The following EYS variants were observed in gnomAD, a reference collection of about 807,000 sequenced individuals.
EYS encodes EGF-like photoreceptor maintenance factor.
EYS carries 250 observed loss-of-function variants against 282.1 expected under a neutral mutation model. The observed-to-expected ratio is 0.89, with a 90% CI of 0.80 to 0.98. EYS has a LOEUF of 0.98. EYS is among the 50% of genes least tolerant of loss of function. The pLI is 0.00. For synonymous variants in EYS, 1,355 were observed against 1,282.9 expected, an observed-to-expected ratio of 1.06 and a Z score of -1.20; for missense variants, 4,016 against 3,709.0, an observed-to-expected ratio of 1.08 and a Z score of -2.15.
intron 35 of EYS, among the ~76,000 whole-genome samples, chr6:63,949,240 G>T (rs986550781): frequency 5.3e-5 from 8 of 152,028 alleles, no homozygotes; most frequent in Non-Finnish European, 1.2e-4. Context: ...ACTCCCTTTG[G>T]CATAAATTTT....
intron 22 of EYS, among the ~76,000 whole-genome samples, chr6:64,763,204 C>T (rs941465279): frequency 6.6e-6 from 1 of 152,096 alleles, no homozygotes; most frequent in African/African-American, 2.4e-5. Context: ...ATGGGTGTAT[C>T]AGTCTGTTTT....
chr6:64,784,534 T>G (rs1773958202), intron 22 of EYS, among the ~76,000 whole-genome samples: 1 of 152,196 alleles, frequency 6.6e-6, no homozygotes, highest in Admixed American at 6.5e-5. Flanking sequence ...TTTGACTGCT[T>G]TACTCATTGT....
At chr6:64,934,475 T>A (rs1016897129) in intron 15 of EYS, among the ~76,000 whole-genome samples, 1 of 151,948 alleles carries the variant, frequency 6.6e-6, no homozygotes, top group Non-Finnish European at 1.5e-5. Context: ...ATAGTCAAAC[T>A]GTAAAACACA....
At chr6:64,587,187 C>G (rs1460898303) in intron 26 of EYS, among the ~76,000 whole-genome samples, 2 of 151,936 alleles carry the variant, frequency 1.3e-5, no homozygotes, top group African/African-American at 4.8e-5. Flanking sequence ...CTCAGAGTGT[C>G]ATTTTTTTTT....
chr6:64,115,985 C>G (rs947269746), intron 31 of EYS, among the ~76,000 whole-genome samples: 1 of 151,306 alleles, frequency 6.6e-6, no homozygotes, highest in Admixed American at 6.6e-5. Flanking sequence ...TAGTGAGCTA[C>G]AAGAAAACAT....
intron 5 of EYS, among the ~76,000 whole-genome samples, chr6:65,410,720 C>A (rs1192515233): frequency 1.3e-5 from 2 of 150,760 alleles, no homozygotes; most frequent in African/African-American, 4.9e-5. Flanking sequence ...GAATTGAAGT[C>A]AGTATACCAA....
At chr6:65,543,936 TG>T (rs1768278015) in intron 2 of EYS, among the ~76,000 whole-genome samples, 1 of 151,854 alleles carries the variant, frequency 6.6e-6, no homozygotes, top group African/African-American at 2.4e-5. Flanking sequence ...GCTTTTGAGT[TG>T]AGAGTGAAAA....
rs147596167 is a variant in EYS at position 64,683,382 on chromosome 6, G to A, written c.3444-57137C>T. Among the ~76,000 whole-genome samples, 147 of 152,182 alleles carry A rather than the reference G, an allele frequency of 9.7e-4. 4 individuals carry two copies. In the East Asian group the frequency reaches 0.025, roughly 26 times the overall value. On this transcript the variant is annotated intron_variant, in intron 22 of 42. Coordinates refer to ENST00000503581, the MANE Select transcript of EYS (RefSeq NM_001142800.2). The stretch of plus-strand genomic sequence containing the variant: ...AGGGCCACATGAATTAACAGATGGG[G>A]AACATCCATGGATAAATAGAAACTA...
At chr6:64,304,409 A>C (rs1343272269) in intron 30 of EYS, among the ~76,000 whole-genome samples, 1 of 152,234 alleles carries the variant, frequency 6.6e-6, no homozygotes, top group African/African-American at 2.4e-5. Context: ...AAGGAAATAG[A>C]GGACTTAACA....
intron 7 of EYS, among the ~76,000 whole-genome samples, chr6:65,386,208 T>A (rs1277106702): frequency 6.6e-6 from 1 of 151,054 alleles, no homozygotes; most frequent in Admixed American, 6.6e-5. Flanking sequence ...CCAAAGATTT[T>A]CTACTCTCAG....
intron 19 of EYS, among the ~76,000 whole-genome samples, chr6:64,849,799 C>G (rs1765825910): frequency 6.6e-6 from 1 of 151,792 alleles, no homozygotes; most frequent in Admixed American, 6.6e-5. Flanking sequence ...TGTAGTGCCC[C>G]CCATCTTTAA....
In EYS at chr6:65,082,140, A is replaced by G. The variant is rs536560140; in HGVS notation, c.2024-24413T>C. On this transcript the variant is annotated intron_variant, in intron 12 of 42. Coordinates refer to ENST00000503581, the MANE Select transcript of EYS (RefSeq NM_001142800.2). ...CAGGAAGGTTGACAAGTAAGCCACA[A>G]AATTATCCATATAAATGTCAAGATT... Among the ~76,000 whole-genome samples, 6 of 152,236 alleles carry G rather than the reference A, an allele frequency of 3.9e-5. No homozygotes were observed. The South Asian group carries it at 1.0e-3, about 26-fold the overall frequency.
At chr6:64,392,484 C>T (rs1207651463) in intron 28 of EYS, among the ~76,000 whole-genome samples, 11 of 151,422 alleles carry the variant, frequency 7.3e-5, no homozygotes, top group South Asian at 4.2e-4. Context: ...CACTCAAAAC[C>T]GCTCAACTAC....
intron 1 of EYS, among the ~76,000 whole-genome samples, chr6:65,663,219 G>C (rs1231772894): frequency 8.5e-5 from 13 of 152,074 alleles, no homozygotes; most frequent in Admixed American, 8.5e-4. Context: ...TGCTAGTTTA[G>C]AAGTATGTCT....
intron 12 of EYS, among the ~76,000 whole-genome samples, chr6:65,109,167 T>A (rs573627144): frequency 6.6e-6 from 1 of 152,164 alleles, no homozygotes; most frequent in African/African-American, 2.4e-5. Flanking sequence ...TTTTTTTCTT[T>A]GATGATAGTT....
chr6:65,641,047 T>C (rs1437717565), intron 1 of EYS, among the ~76,000 whole-genome samples: 1 of 152,230 alleles, frequency 6.6e-6, no homozygotes, highest in African/African-American at 2.4e-5. Context: ...TCTCCCATGC[T>C]TGTGGTGTTT....
At chr6:64,795,561 C>G (rs1279518242) in intron 22 of EYS, among the ~76,000 whole-genome samples, 1 of 152,148 alleles carries the variant, frequency 6.6e-6, no homozygotes, top group Non-Finnish European at 1.5e-5. Context: ...TCTTGAACTT[C>G]TTCATGATTA....
intron 26 of EYS, among the ~76,000 whole-genome samples, chr6:64,491,415 G>T (rs1289169934): frequency 1.3e-5 from 2 of 150,660 alleles, no homozygotes; most frequent in Non-Finnish European, 3.0e-5. Context: ...TGAGTATCAG[G>T]CAAGTTTCAA....
At chr6:63,940,563 T>C (rs912390637) in intron 35 of EYS, among the ~76,000 whole-genome samples, 1 of 152,178 alleles carries the variant, frequency 6.6e-6, no homozygotes. Context: ...TTTTAGAATG[T>C]AGTATGGCTT....
Sources: allele counts gnomAD v4.1 joint callset (sites outside exome capture counted in the v4.1 genomes callset), GRCh38; gene constraint gnomAD v4.1.1; transcripts MANE v1.5; gene names NCBI Gene and HGNC (gene_info 2026-07-23, HGNC 2026-07-21).